CNKSR2: variants seen among roughly 807,000 people sequenced by gnomAD.
The protein encoded by CNKSR2 is CNK homolog protein 2.
CNKSR2 carries 14 observed loss-of-function variants against 84.4 expected under a neutral mutation model. The observed-to-expected ratio is 0.17, with a 90% CI of 0.11 to 0.26. The LOEUF is 0.26. Among genes scored for constraint, CNKSR2 ranks in the 10% least tolerant of loss-of-function variants. The probability of loss-of-function intolerance (pLI) is 1.00; values close to 1 mark genes in which losing one functional copy is unlikely to be tolerated. For synonymous variants in CNKSR2, 275 were observed against 277.9 expected (o/e 0.99, Z 0.10); for missense variants, 485 against 771.2 (o/e 0.63, Z 4.40).
chrX:21,536,855 T>G (rs1433064992), intron 11 of CNKSR2, among the ~76,000 whole-genome samples: 1 of 108,321 alleles, frequency 9.2e-6, no homozygotes, highest in Non-Finnish European at 1.9e-5. Flanking sequence ...TCTCTTTCAT[T>G]TAGTTCTGCT....
At chrX:21,432,924 G>A in intron 3 of CNKSR2, 110 bp downstream of exon 3, 3 of 724,707 alleles carry the variant, frequency 4.1e-6, no homozygotes, top group Non-Finnish European at 6.2e-6. Context: ...GGAGTACCAA[G>A]TAATAAATGT....
rs182255287 is a variant in CNKSR2 at position 21,625,999 on chromosome X, A to G, written c.2692+16382A>G. On this transcript the variant is annotated intron_variant, in intron 20 of 21. Transcript: ENST00000379510. Reference sequence around the variant, plus strand: ...CTCTGCTAAGTGCTGGAAGAAACAAAGATTTTAAAATTACAGAATCAATAA... The same window carrying G: ...CTCTGCTAAGTGCTGGAAGAAACAAGGATTTTAAAATTACAGAATCAATAA... Among the ~76,000 whole-genome samples, 46 of 112,005 alleles carry G rather than the reference A, an allele frequency of 4.1e-4. 1 individual carries two copies. The highest frequency in any genetic ancestry group is 4.6e-3 in the Middle Eastern group (1 of 217).
At chrX:21,514,164 A>G (rs914053637) in intron 8 of CNKSR2, among the ~76,000 whole-genome samples, 3 of 111,833 alleles carry the variant, frequency 2.7e-5, no homozygotes, top group African/African-American at 6.5e-5. Context: ...ATACATTTAC[A>G]TAATGTACAG....
intron 20 of CNKSR2, among the ~76,000 whole-genome samples, chrX:21,634,854 G>A (rs2092663143): frequency 9.4e-6 from 1 of 106,899 alleles, no homozygotes; most frequent in East Asian, 3.0e-4. Context: ...AGTTCACAAA[G>A]ATCTATGTTA....
At chrX:21,634,520 T>A (rs140491904) in intron 20 of CNKSR2, among the ~76,000 whole-genome samples, 1,407 of 111,528 alleles carry the variant, frequency 0.013, 19 homozygotes, top group African/African-American at 0.043. Flanking sequence ...CATTTAGAAG[T>A]TATTGATGGA....
chrX:21,516,180 G>A (rs1478511548), intron 8 of CNKSR2, among the ~76,000 whole-genome samples: 1 of 111,374 alleles, frequency 9.0e-6, no homozygotes, highest in East Asian at 2.8e-4. Context: ...CCTAGCAGCT[G>A]AGCAGCATTA....
At chrX:21,599,139 T>A (rs2092466459) in intron 17 of CNKSR2, among the ~76,000 whole-genome samples, 2 of 112,369 alleles carry the variant, frequency 1.8e-5, no homozygotes, top group Non-Finnish European at 3.8e-5. Flanking sequence ...CTAGAGTTAA[T>A]TGAAGGCAGA....
At chrX:21,467,680 TAGTA>T (rs1216298244) in intron 4 of CNKSR2, among the ~76,000 whole-genome samples, 4 of 109,601 alleles carry the variant, frequency 3.6e-5, no homozygotes, top group Non-Finnish European at 7.5e-5. Flanking sequence ...TTATTTTAAA[TAGTA>T]AGTTCTTAAT....
intron 5 of CNKSR2, among the ~76,000 whole-genome samples, chrX:21,483,310 A>T (rs954873394): frequency 3.6e-5 from 4 of 110,737 alleles, no homozygotes; most frequent in Non-Finnish European, 7.5e-5. Flanking sequence ...GCAAACTATC[A>T]CAAGGACAAA....
At chrX:21,415,835 C>T (rs34439920) in intron 1 of CNKSR2, among the ~76,000 whole-genome samples, 49 of 8,678 alleles carry the variant, frequency 5.6e-3, no homozygotes, top group African/African-American at 0.02. Context: ...TACATATATA[C>T]ACACACACAC....
intron 18 of CNKSR2, among the ~76,000 whole-genome samples, chrX:21,606,031 T>C (rs2092514593): frequency 8.9e-6 from 1 of 112,144 alleles, no homozygotes; most frequent in Non-Finnish European, 1.9e-5. Flanking sequence ...TTTGACTTAC[T>C]CTAGTAATTT....
chrX:21,592,186 A>G (rs1035606039), intron 15 of CNKSR2: 8 of 111,954 alleles, frequency 7.1e-5, no homozygotes, highest in Non-Finnish European at 1.5e-4. Flanking sequence ...TTACTGTGCC[A>G]TAGTTTCTTC....
At chrX:21,446,450 T>G (rs1178651157) in intron 4 of CNKSR2, among the ~76,000 whole-genome samples, 2 of 111,134 alleles carry the variant, frequency 1.8e-5, no homozygotes, top group African/African-American at 6.5e-5. Flanking sequence ...TGCATATTTC[T>G]GAAGGCTCAG....
rs757338945 is a variant in CNKSR2, at chrX:21,601,347, A to G, written c.2042A>G (p.Gln681Arg). 48 of 1,104,080 alleles carry G rather than the reference A, an allele frequency of 4.3e-5. No individual in the cohort carries two copies. Among genetic ancestry groups the G allele is most frequent in the Non-Finnish European group, 5.8e-5 (47 of 811,468 alleles). 91.0% of individuals were successfully genotyped at this position (1,104,080 alleles called of 1,213,427 possible). ...GAAAGAGAGAGGATTAAGCAGGAAC[A>G]AGGTAAAGGAATACTTTTTTAAAAT... is the stretch of plus-strand genomic sequence containing the variant. ...YAERERIKQE[Q>R]DYWSESDKEE... Residue 681 changes from glutamine to arginine, a missense_variant and splice_region_variant, in exon 18 of 22, where the codon CAA (glutamine) becomes CGA (arginine). Physicochemically the swap from Gln to Arg is conservative, Grantham distance 43. This residue lies in a region of CNKSR2 where 210 missense variants were observed against 291.5 expected (regional missense o/e 0.72). Coordinates refer to ENST00000379510, the MANE Select transcript of CNKSR2 (RefSeq NM_014927.5).
intron 9 of CNKSR2, among the ~76,000 whole-genome samples, chrX:21,524,721 T>C (rs953981519): frequency 1.8e-5 from 2 of 110,731 alleles, no homozygotes; most frequent in Non-Finnish European, 3.8e-5. Context: ...AAATTATCTT[T>C]AGTTCTGTAG....
intron 16 of CNKSR2, 130 bp downstream of exon 16, chrX:21,595,177 T>A (rs2092444733): frequency 1.5e-6 from 1 of 664,388 alleles, no homozygotes; most frequent in Non-Finnish European, 2.3e-6. Context: ...GGCAGAAAAT[T>A]GAACTTTTTA....
At position 21,633,899 on chromosome X, in the gene CNKSR2, A is replaced by G. The variant is rs759581581; in HGVS notation, c.2693-14932A>G. Among the ~76,000 whole-genome samples, 6 of 112,346 alleles carry G rather than the reference A, an allele frequency of 5.3e-5. No individual in the cohort carries two copies. In the East Asian group the frequency reaches 1.7e-3, roughly 31 times the overall value. ...TCAATAGCTTTCCATCCCAAATCCA[A>G]GATGACTTTGCTGGTCCAAAATTTA... On this transcript the variant is annotated intron_variant, in intron 20 of 21. Transcript: ENST00000379510.
At chrX:21,625,199 CTT>C (rs2147309492) in intron 20 of CNKSR2, among the ~76,000 whole-genome samples, 1 of 112,279 alleles carries the variant, frequency 8.9e-6, no homozygotes, top group East Asian at 2.8e-4. Context: ...TTTGGTGACT[CTT>C]TTTCTGTTAA....
rs181434447 is a variant in CNKSR2 at position 21,555,130 on chromosome X, T to C, written c.1304-6341T>C. On this transcript the variant is annotated intron_variant, in intron 11 of 21. Coordinates refer to ENST00000379510, the MANE Select transcript of CNKSR2 (RefSeq NM_014927.5). The stretch of plus-strand genomic sequence containing the variant: ...TGTTGAGCTTTTTTCCATATGATTG[T>C]TGGCAGCATGTATGTCTTCTTTTGA... Among the ~76,000 whole-genome samples the C allele has an allele frequency of 2.7e-3, 299 of 110,866 alleles. 4 individuals carry two copies. The highest frequency in any genetic ancestry group is 9.2e-3 in the African/African-American group (281 of 30,582).
Sources: allele counts gnomAD v4.1 joint callset (sites outside exome capture counted in the v4.1 genomes callset), GRCh38; gene constraint gnomAD v4.1.1; regional missense constraint gnomAD v4.1.1; transcripts MANE v1.5; gene names NCBI Gene and HGNC (gene_info 2026-07-23, HGNC 2026-07-21).